Variants in ROBO2 observed in about 807,000 individuals in gnomAD.
The protein encoded by ROBO2 is roundabout homolog 2.
In ROBO2, 53 loss-of-function variants were observed where a neutral mutation model predicts 160.8. That is an observed-to-expected ratio of 0.33 (90% CI 0.26 to 0.41). The LOEUF is 0.41. Ranked by LOEUF, ROBO2 falls within the 10% of genes least tolerant of loss-of-function variation. The pLI, the probability that ROBO2 is intolerant of heterozygous loss-of-function variation, is 1.00. For missense variants in ROBO2, 1,577 were observed against 1,722.4 expected (o/e 0.92, Z 1.49); for synonymous variants, 664 against 611.7 (o/e 1.09, Z -1.26).
chr3:76,754,565 G>A (rs933595219), intron 2 of ROBO2, among the ~76,000 whole-genome samples: 3 of 151,794 alleles, frequency 2.0e-5, no homozygotes, highest in Non-Finnish European at 4.4e-5. Context: ...AACTAAGAAA[G>A]TCTGATTACT....
chr3:76,164,830 C>A (rs573174897), intron 2 of ROBO2, among the ~76,000 whole-genome samples: 2 of 147,290 alleles, frequency 1.4e-5, no homozygotes, highest in East Asian at 2.1e-4. Flanking sequence ...GCTGCATTAG[C>A]CCCTACAAAG....
At chr3:76,398,931 G>A (rs1248073224) in intron 2 of ROBO2, among the ~76,000 whole-genome samples, 1 of 151,736 alleles carries the variant, frequency 6.6e-6, no homozygotes, top group African/African-American at 2.4e-5. Context: ...AACTTACCAT[G>A]TAGGACAATA....
chr3:76,241,533 T>C (rs1002622275), intron 2 of ROBO2, among the ~76,000 whole-genome samples: 17 of 152,182 alleles, frequency 1.1e-4, no homozygotes, highest in African/African-American at 3.6e-4. Context: ...AAACTCTTGA[T>C]TCAGAAAATT....
At chr3:76,547,200 C>A (rs1258786855) in intron 2 of ROBO2, among the ~76,000 whole-genome samples, 1 of 151,958 alleles carries the variant, frequency 6.6e-6, no homozygotes, top group East Asian at 1.9e-4. Flanking sequence ...ATAGCAAATT[C>A]TATAATTTAC....
intron 2 of ROBO2, among the ~76,000 whole-genome samples, chr3:76,919,088 G>A (rs982760578): frequency 7.2e-5 from 11 of 151,850 alleles, no homozygotes; most frequent in South Asian, 2.1e-4. Context: ...GTCAGATGGC[G>A]CAATGCCTAG....
intron 2 of ROBO2, among the ~76,000 whole-genome samples, chr3:77,286,185 C>G (rs2060580989): frequency 6.6e-6 from 1 of 151,564 alleles, no homozygotes; most frequent in Non-Finnish European, 1.5e-5. Context: ...TGAACATCTT[C>G]CATGTTAATA....
intron 2 of ROBO2, among the ~76,000 whole-genome samples, chr3:76,217,362 A>C (rs1205898857): frequency 6.6e-6 from 1 of 152,196 alleles, no homozygotes; most frequent in African/African-American, 2.4e-5. Flanking sequence ...TCAAAAAATC[A>C]ATGAATCCAG....
chr3:76,482,404 A>G (rs913134362), intron 2 of ROBO2, among the ~76,000 whole-genome samples: 8 of 152,096 alleles, frequency 5.3e-5, no homozygotes, highest in Non-Finnish European at 1.2e-4. Flanking sequence ...TTATGCAAAA[A>G]CCATTAGTGT....
intron 5 of ROBO2, among the ~76,000 whole-genome samples, chr3:77,520,336 C>A (rs2090466097): frequency 6.6e-6 from 1 of 151,168 alleles, no homozygotes. Context: ...TTATTGATAA[C>A]ATGACTTTGA....
intron 2 of ROBO2, among the ~76,000 whole-genome samples, chr3:77,217,541 G>GT: frequency 6.6e-6 from 1 of 152,258 alleles, no homozygotes; most frequent in Non-Finnish European, 1.5e-5. Context: ...ATGATGATGT[G>GT]TTTTTTGCTC....
At chr3:77,540,492 G>A (rs980262357) in intron 6 of ROBO2, among the ~76,000 whole-genome samples, 21 of 151,872 alleles carry the variant, frequency 1.4e-4, no homozygotes, top group African/African-American at 5.1e-4. Context: ...CTTGCATGTT[G>A]TCACTTATAA....
At chr3:76,912,094 T>C (rs9868326) in intron 2 of ROBO2, among the ~76,000 whole-genome samples, 68,850 of 152,018 alleles carry the variant, frequency 0.45, 16,005 homozygotes, top group African/African-American at 0.57. Flanking sequence ...ATATTGAACA[T>C]TAGACATAGG....
chr3:77,015,469 G>T (rs1024003101), intron 2 of ROBO2, among the ~76,000 whole-genome samples: 2 of 152,122 alleles, frequency 1.3e-5, no homozygotes, highest in African/African-American at 4.8e-5. Flanking sequence ...GGTCAGTGAA[G>T]GATCAAGAAA....
At chr3:76,459,668 T>C (rs894058852) in intron 2 of ROBO2, among the ~76,000 whole-genome samples, 3 of 152,178 alleles carry the variant, frequency 2.0e-5, no homozygotes, top group Non-Finnish European at 2.9e-5. Flanking sequence ...AGTTCATTAA[T>C]GTAATAAGAC....
intron 2 of ROBO2, among the ~76,000 whole-genome samples, chr3:76,140,346 G>T (rs1355763968): frequency 6.6e-6 from 1 of 151,956 alleles, no homozygotes; most frequent in East Asian, 1.9e-4. Flanking sequence ...GGGTAAAAAT[G>T]AATAAATAAG....
intron 2 of ROBO2, among the ~76,000 whole-genome samples, chr3:77,259,001 T>C (rs1398081664): frequency 6.6e-6 from 1 of 152,230 alleles, no homozygotes; most frequent in East Asian, 1.9e-4. Flanking sequence ...CTCTGCACAG[T>C]CAGTTCTCTT....
intron 2 of ROBO2, among the ~76,000 whole-genome samples, chr3:76,957,908 G>A (rs982042435): frequency 1.3e-5 from 2 of 152,034 alleles, no homozygotes; most frequent in South Asian, 2.1e-4. Flanking sequence ...TCATGACCAC[G>A]GATGAGATGG....
At chr3:77,541,126 C>A (rs922637494) in intron 6 of ROBO2, among the ~76,000 whole-genome samples, 1 of 152,140 alleles carries the variant, frequency 6.6e-6, no homozygotes, top group Non-Finnish European at 1.5e-5. Context: ...AAAATTATAT[C>A]CAAAGAAAAA....
intron 2 of ROBO2, among the ~76,000 whole-genome samples, chr3:76,798,271 A>AGAAG (rs2063900172): frequency 1.4e-5 from 2 of 146,678 alleles, no homozygotes; most frequent in African/African-American, 2.6e-5. Context: ...AAAGAAAGAA[A>AGAAG]GAAAGAAAGA....
Sources: gnomAD v4.1 joint callset for allele counts (sites outside exome capture counted in the v4.1 genomes callset) on GRCh38, gnomAD v4.1.1 for gene constraint, MANE v1.5 for transcripts, NCBI Gene and HGNC (gene_info 2026-07-23, HGNC 2026-07-21) for gene names.